Variants in SMYD3 observed in about 807,000 individuals in gnomAD.
The protein encoded by SMYD3 is SET and MYND domain containing 3, also known as histone-lysine N-methyltransferase SMYD3.
In SMYD3, 36 loss-of-function variants were observed where a neutral mutation model predicts 57.7. The observed-to-expected ratio is 0.62, with a 90% CI of 0.48 to 0.82. The LOEUF is 0.82. Ranked by LOEUF, SMYD3 falls within the 40% of genes least tolerant of loss-of-function variation. SMYD3 has a pLI of 0.00. For missense variants in SMYD3, 515 were observed against 538.8 expected (o/e 0.96, Z 0.44); for synonymous variants, 211 against 195.0 (o/e 1.08, Z -0.68).
chr1:245,760,784 C>T (rs888643130), intron 11 of SMYD3, among the ~76,000 whole-genome samples: 3 of 151,966 alleles, frequency 2.0e-5, no homozygotes, highest in Non-Finnish European at 4.4e-5. Context: ...GAGGAACCAC[C>T]GTGTACCCCA....
intron 5 of SMYD3, among the ~76,000 whole-genome samples, chr1:246,304,064 CA>C (rs2064938904): frequency 1.3e-5 from 2 of 152,106 alleles, no homozygotes. Context: ...TATAACATCA[CA>C]AAGTTATTTG....
At chr1:246,458,380 G>T (rs1172905875) in intron 1 of SMYD3, among the ~76,000 whole-genome samples, 1 of 151,232 alleles carries the variant, frequency 6.6e-6, no homozygotes, top group Non-Finnish European at 1.5e-5. Flanking sequence ...GCTCATCTGT[G>T]CATGACTTGA....
At chr1:246,242,800 C>T (rs1463230980) in intron 5 of SMYD3, among the ~76,000 whole-genome samples, 1 of 96,810 alleles carries the variant, frequency 1.0e-5, no homozygotes, top group African/African-American at 3.7e-5. Context: ...GGGTTGCAAT[C>T]CTAGTCTCTG....
chr1:246,162,842 T>C lies in SMYD3; in HGVS notation c.531+164359A>G, dbSNP rs138412486. ...AATATTTGCTTTATGTAAGGGAAAA[T>C]TATCTTCAGCCAAAATGGTAGAGCA... On this transcript the variant is annotated intron_variant, in intron 5 of 11. Transcript: ENST00000490107. Among the ~76,000 whole-genome samples the C allele has an allele frequency of 4.0e-4, 61 of 152,286 alleles. No homozygotes were observed. The East Asian group carries it at 0.011, about 28-fold the overall frequency.
intron 1 of SMYD3, among the ~76,000 whole-genome samples, chr1:246,466,718 C>T (rs1011436059): frequency 2.6e-5 from 4 of 152,164 alleles, no homozygotes; most frequent in African/African-American, 9.7e-5. Context: ...CATGGTGGCA[C>T]ATGCCTATAG....
At chr1:245,829,453 A>C (rs932360441) in intron 10 of SMYD3, among the ~76,000 whole-genome samples, 2 of 152,124 alleles carry the variant, frequency 1.3e-5, no homozygotes, top group Non-Finnish European at 2.9e-5. Context: ...CATCCACTAA[A>C]ATGGCTAAAA....
chr1:245,861,859 T>C (rs2051565787), intron 9 of SMYD3, among the ~76,000 whole-genome samples: 1 of 107,286 alleles, frequency 9.3e-6, no homozygotes, highest in South Asian at 2.5e-4. Flanking sequence ...GAGTAGTGAG[T>C]GCAGGGCTGT....
rs112447499 is a variant in SMYD3, at chr1:245,927,308, G to A, written c.702+623C>T. Among the ~76,000 whole-genome samples, 1,157 of 152,336 alleles carry A rather than the reference G, an allele frequency of 7.6e-3. 17 individuals are homozygous for A. The highest frequency in any genetic ancestry group is 0.027 in the African/African-American group (1,106 of 41,576). On this transcript the variant is annotated intron_variant, in intron 7 of 11. Coordinates refer to ENST00000490107, the MANE Select transcript of SMYD3 (RefSeq NM_001167740.2). Reference sequence around the variant, plus strand: ...TGCACCAAAAGAGGCTGGCTGGACAGTCTGTCAAACTGGAGGGGTCAAGGC... The same window carrying A: ...TGCACCAAAAGAGGCTGGCTGGACAATCTGTCAAACTGGAGGGGTCAAGGC...
chr1:246,071,953 G>A (rs1304290956), intron 5 of SMYD3, among the ~76,000 whole-genome samples: 1 of 137,632 alleles, frequency 7.3e-6, no homozygotes, highest in Non-Finnish European at 1.6e-5. Flanking sequence ...GATGCTTCCT[G>A]TTAGTTCTGG....
At chr1:245,912,921 A>G (rs12562030) in intron 8 of SMYD3, among the ~76,000 whole-genome samples, 25,726 of 152,214 alleles carry the variant, frequency 0.17, 2,748 homozygotes, top group East Asian at 0.5. Context: ...GTGGGACTGT[A>G]AACTAGTTCA....
At chr1:245,854,349 C>A (rs1242526705) in intron 10 of SMYD3, among the ~76,000 whole-genome samples, 2 of 152,104 alleles carry the variant, frequency 1.3e-5, no homozygotes, top group Non-Finnish European at 2.9e-5. Flanking sequence ...TACCAAGTTA[C>A]CACTTAGGAA....
intron 5 of SMYD3, among the ~76,000 whole-genome samples, chr1:246,233,709 A>G (rs368456235): frequency 1.5e-5 from 2 of 132,600 alleles, no homozygotes; most frequent in East Asian, 3.0e-4. Context: ...TGATGAACAT[A>G]TACCACACAG....
At chr1:246,297,507 T>C (rs1040549381) in intron 5 of SMYD3, among the ~76,000 whole-genome samples, 22 of 152,106 alleles carry the variant, frequency 1.4e-4, no homozygotes, top group African/African-American at 5.1e-4. Flanking sequence ...TCAAGAACCC[T>C]CAACGAACAA....
chr1:246,244,172 GT>G (rs1204749002), intron 5 of SMYD3, among the ~76,000 whole-genome samples: 1 of 151,960 alleles, frequency 6.6e-6, no homozygotes, highest in Non-Finnish European at 1.5e-5. Context: ...TATAAAAGAG[GT>G]TAGCTATAGT....
chr1:246,075,699 G>C (rs1446219086), intron 5 of SMYD3, among the ~76,000 whole-genome samples: 1 of 152,070 alleles, frequency 6.6e-6, no homozygotes, highest in Non-Finnish European at 1.5e-5. Context: ...TAAATACGTA[G>C]GGAAGTATAA....
chr1:246,302,281 A>C (rs1436647818), intron 5 of SMYD3, among the ~76,000 whole-genome samples: 1 of 152,170 alleles, frequency 6.6e-6, no homozygotes, highest in Non-Finnish European at 1.5e-5. Flanking sequence ...AAAGCCTAGC[A>C]ATGGGGGGAG....
intron 10 of SMYD3, among the ~76,000 whole-genome samples, chr1:245,829,786 T>C (rs1279695717): frequency 6.6e-6 from 1 of 152,168 alleles, no homozygotes; most frequent in Non-Finnish European, 1.5e-5. Flanking sequence ...AAAATATTAC[T>C]TGGCAAAAAA....
At chr1:245,826,918 C>T (rs930593955) in intron 10 of SMYD3, among the ~76,000 whole-genome samples, 1 of 152,148 alleles carries the variant, frequency 6.6e-6, no homozygotes, top group African/African-American at 2.4e-5. Flanking sequence ...CTACCACCAC[C>T]CAGTCTCTTC....
intron 1 of SMYD3, among the ~76,000 whole-genome samples, chr1:246,450,517 T>G (rs1165253266): frequency 6.6e-6 from 1 of 152,056 alleles, no homozygotes; most frequent in Non-Finnish European, 1.5e-5. Flanking sequence ...TCATAAAGAT[T>G]TGGGTTACAC....
Sources: allele counts gnomAD v4.1 joint callset (sites outside exome capture counted in the v4.1 genomes callset), GRCh38; gene constraint gnomAD v4.1.1; transcripts MANE v1.5; gene names NCBI Gene and HGNC (gene_info 2026-07-23, HGNC 2026-07-21).